EVC: variants seen among roughly 807,000 people sequenced by gnomAD.
EVC encodes the protein evC complex member EVC.
In EVC, 116 loss-of-function variants were observed where a neutral mutation model predicts 118.9. That is an observed-to-expected ratio of 0.98 (90% CI 0.84 to 1.14). EVC has a LOEUF of 1.14. Ranked by LOEUF, EVC falls within the 50% of genes most tolerant of loss-of-function variation. The pLI, the probability that EVC is intolerant of heterozygous loss-of-function variation, is 0.00. For missense variants in EVC, 1,401 were observed against 1,246.4 expected, an observed-to-expected ratio of 1.12 and a Z score of -1.87; for synonymous variants, 619 against 534.7, an observed-to-expected ratio of 1.16 and a Z score of -2.18.
Position 5,755,693 on chromosome 4 carries a change from T to A in EVC, c.1465-571T>A, listed in dbSNP as rs1217737512. Among the ~76,000 whole-genome samples the A allele has an allele frequency of 6.6e-6, 1 of 152,094 alleles. No homozygotes were observed. Among genetic ancestry groups the A allele is most frequent in the Non-Finnish European group, 1.5e-5 (1 of 68,014 alleles). Reference sequence around the variant, plus strand: ...ACAGGGAATTTTCTCCTGCAACCCTTCCCTGAGAAGGGTCTGTTCCTCTGT... The same window carrying A: ...ACAGGGAATTTTCTCCTGCAACCCTACCCTGAGAAGGGTCTGTTCCTCTGT... On this transcript the variant is annotated intron_variant, in intron 10 of 20. Transcript: ENST00000264956. This position sits in a 1 kb window ranked among gnomAD's most constrained non-coding sequence, Gnocchi z 4.1.
chr4:5,777,122 T>C (rs557261887), intron 11 of EVC, among the ~76,000 whole-genome samples: 37 of 152,304 alleles, frequency 2.4e-4, no homozygotes, highest in African/African-American at 8.4e-4. Flanking sequence ...TGCACACTTA[T>C]TTGTAGAAAT....
chr4:5,805,695 T>C (rs1198361429), intron 17 of EVC, among the ~76,000 whole-genome samples: 5 of 152,268 alleles, frequency 3.3e-5, no homozygotes, highest in East Asian at 3.9e-4. Context: ...GTCCAAGGGC[T>C]TCACTTTGAC....
At chr4:5,824,506 C>G in the EVC span, 3 of 985,012 alleles carry the variant, frequency 3.0e-6, no homozygotes, top group African/African-American at 5.2e-5. Context: ...CTCTCTTTGC[C>G]CCTTCCACTC....
At chr4:5,786,789 G>A (rs1332391404) in intron 12 of EVC, among the ~76,000 whole-genome samples, 10 of 151,028 alleles carry the variant, frequency 6.6e-5, no homozygotes, top group African/African-American at 1.5e-4. Context: ...GGAGAATGGC[G>A]TGAACCCGGG....
At chr4:5,752,291 C>G (rs959526535) in intron 8 of EVC, among the ~76,000 whole-genome samples, 1 of 152,000 alleles carries the variant, frequency 6.6e-6, no homozygotes, top group African/African-American at 2.4e-5. Context: ...TTCTGAGAGT[C>G]CCTGAAATGA....
the EVC span, chr4:5,825,164 C>T: frequency 1.0e-6 from 1 of 985,396 alleles, no homozygotes; most frequent in African/African-American, 1.7e-5. The surrounding 1 kb of genome is among the most constrained non-coding windows in gnomAD (Gnocchi z 4.4). Flanking sequence ...TGTTCATCCC[C>T]ACCACTCCAT....
At chr4:5,808,453 C>T (rs1716366451) in intron 18 of EVC, 126 bp downstream of exon 18, 1 of 1,452,314 alleles carries the variant, frequency 6.9e-7, no homozygotes, top group African/African-American at 1.4e-5. Context: ...CATCGTTGAC[C>T]CGCTGAGTCT....
intron 16 of EVC, among the ~76,000 whole-genome samples, chr4:5,803,399 C>T (rs953995285): frequency 1.3e-5 from 2 of 152,208 alleles, no homozygotes; most frequent in Admixed American, 6.5e-5. Context: ...AGAGATCTGC[C>T]AGGTTTTCCA....
the EVC span, among the ~76,000 whole-genome samples, chr4:5,827,266 G>A: frequency 6.6e-6 from 1 of 152,188 alleles, no homozygotes; most frequent in African/African-American, 2.4e-5. Flanking sequence ...CTCTTCAGTG[G>A]GTGTCCCAGC....
chr4:5,746,575 C>G lies in EVC; in HGVS notation c.939+1234C>G, dbSNP rs1483042994. ...AGAGGACTTTGAGGGCCAGAATGTT[C>G]TTAGAACTGTGGGCCAGGATGCTAA... On this transcript the variant is annotated intron_variant, in intron 7 of 20. Coordinates refer to ENST00000264956, the MANE Select transcript of EVC (RefSeq NM_153717.3). The surrounding 1 kb of genome is among the most constrained non-coding windows in gnomAD (Gnocchi z 5.8). 6.6e-6 allele frequency among the ~76,000 whole-genome samples: 1 copy of G among 152,130 alleles called. No individual in the cohort carries two copies. Among genetic ancestry groups the G allele is most frequent in the Non-Finnish European group, 1.5e-5 (1 of 68,018 alleles).
chr4:5,798,185 T>A lies in EVC; in HGVS notation c.2098-401T>A, dbSNP rs1005778313. Among the ~76,000 whole-genome samples, 1 of 152,320 alleles carries A rather than the reference T, an allele frequency of 6.6e-6. No homozygotes were observed. Among genetic ancestry groups the A allele is most frequent in the East Asian group, 1.9e-4 (1 of 5,174 alleles). On this transcript the variant is annotated intron_variant, in intron 14 of 20. Coordinates refer to ENST00000264956, the MANE Select transcript of EVC (RefSeq NM_153717.3). This position sits in a 1 kb window ranked among gnomAD's most constrained non-coding sequence, Gnocchi z 4.1. ...GTGCCCTGCCTCAGCTTCTGTGATATCCTGAGACTCACATCTGGCTTCAAA... is the reference window on the plus strand; with the variant it reads ...GTGCCCTGCCTCAGCTTCTGTGATAACCTGAGACTCACATCTGGCTTCAAA...
intron 2 of EVC, among the ~76,000 whole-genome samples, chr4:5,721,242 T>C (rs761512363): frequency 2.0e-5 from 3 of 152,148 alleles, no homozygotes; most frequent in Non-Finnish European, 2.9e-5. Context: ...CTATTCACAA[T>C]AGCCAAAATG....
intron 19 of EVC, 108 bp downstream of exon 19, chr4:5,809,719 C>G (rs1716582972): frequency 9.8e-7 from 1 of 1,024,682 alleles, no homozygotes; most frequent in Non-Finnish European, 1.5e-6. Context: ...GGCATCGTGC[C>G]TAGGCTCTCT....
intron 11 of EVC, among the ~76,000 whole-genome samples, chr4:5,776,756 C>A (rs1344161071): frequency 6.6e-6 from 1 of 152,162 alleles, no homozygotes; most frequent in African/African-American, 2.4e-5. Flanking sequence ...TGTGCTAATT[C>A]TCTCTTCAGC....
downstream of EVC, among the ~76,000 whole-genome samples, chr4:5,816,322 A>C (rs1717670949): frequency 6.6e-6 from 1 of 152,146 alleles, no homozygotes; most frequent in Non-Finnish European, 1.5e-5. Context: ...AGGAGCAAAA[A>C]CGACCAACAT....
rs1026546051 is a variant in EVC, at chr4:5,732,597, A to G, written c.618-754A>G. On this transcript the variant is annotated intron_variant, in intron 4 of 20. Transcript: ENST00000264956. The stretch of plus-strand genomic sequence containing the variant: ...CCATGTATCTGCCCCCGTTGACCCT[A>G]TGATGGTCACTTGATTTGTCTGATT... Among the ~76,000 whole-genome samples the G allele has an allele frequency of 5.3e-5, 8 of 152,238 alleles. No homozygotes were observed. In the East Asian group the frequency reaches 1.5e-3, roughly 29 times the overall value.
At chr4:5,764,522 C>T (rs199908887) in intron 11 of EVC, among the ~76,000 whole-genome samples, 1 of 144,064 alleles carries the variant, frequency 6.9e-6, no homozygotes, top group Non-Finnish European at 1.5e-5. Context: ...GCTGTGAATC[C>T]ATCTGGTCCT....
At chr4:5,778,714 G>GAGTTC (rs1163536772) in intron 11 of EVC, among the ~76,000 whole-genome samples, 1 of 152,054 alleles carries the variant, frequency 6.6e-6, no homozygotes, top group Non-Finnish European at 1.5e-5. Flanking sequence ...AAATGTGTTT[G>GAGTTC]AGTTCATTGT....
chr4:5,736,332 G>A (rs909894136), intron 5 of EVC, among the ~76,000 whole-genome samples: 2 of 151,894 alleles, frequency 1.3e-5, no homozygotes, highest in East Asian at 3.9e-4. Context: ...CATAAAGATG[G>A]GTGAAAACTG....
Sources: allele counts gnomAD v4.1 joint callset (sites outside exome capture counted in the v4.1 genomes callset), GRCh38; gene constraint gnomAD v4.1.1; non-coding constraint Gnocchi (gnomAD v3.1); transcripts MANE v1.5; gene names NCBI Gene and HGNC (gene_info 2026-07-23, HGNC 2026-07-21).